EPS15L1: variants seen among roughly 807,000 people sequenced by gnomAD.
EPS15L1 encodes epidermal growth factor receptor substrate 15-like 1.
EPS15L1 carries 43 observed loss-of-function variants against 117.1 expected under a neutral mutation model. The ratio of observed to expected loss-of-function variants is 0.37; its 90% confidence interval spans 0.29 to 0.47. EPS15L1 has a LOEUF of 0.47. EPS15L1 is among the 20% of genes least tolerant of loss of function. The pLI is 0.99. For synonymous variants in EPS15L1, 459 were observed against 470.5 expected, an observed-to-expected ratio of 0.98 and a Z score of 0.32; for missense variants, 981 against 1,164.0, an observed-to-expected ratio of 0.84 and a Z score of 2.29.
At chr19:16,416,550 T>C (rs1173374524) in intron 12 of EPS15L1, among the ~76,000 whole-genome samples, 2 of 151,002 alleles carry the variant, frequency 1.3e-5, no homozygotes, top group South Asian at 4.2e-4. Context: ...AGTGGGAAGA[T>C]CACTTGAGCC....
At position 16,425,214 on chromosome 19, in the gene EPS15L1, C is replaced by T; in HGVS notation, c.661G>A (p.Gly221Ser). 6.2e-7 allele frequency: 1 copy of T among 1,601,840 alleles called. No individual in the cohort carries two copies. Among genetic ancestry groups the T allele is most frequent in the South Asian group, 1.1e-5 (1 of 90,746 alleles). ...CTGGCAGGCAGGACGGGGACGGCGC[C>T]AGGGAACACAGTCTTCTTTCTCTTG... ...PSKRKKTVFP[G>S]AVPVLPASPP... The change falls in exon 9 of 24, where the codon GGC (glycine) becomes AGC (serine). Residue 221 changes from glycine to serine, a missense_variant. Around this residue, in one of 5 missense-constraint regions of EPS15L1, gnomAD observed 819 missense variants for 949.0 expected, o/e 0.86. Coordinates refer to ENST00000455140, the MANE Select transcript of EPS15L1 (RefSeq NM_001258374.3).
chr19:16,434,227 A>G, intron 7 of EPS15L1, 138 bp downstream of exon 7: 1 of 1,153,078 alleles, frequency 8.7e-7, no homozygotes, highest in Non-Finnish European at 1.2e-6. Context: ...GACCCACAGG[A>G]GCGCTGATGA....
intron 1 of EPS15L1, among the ~76,000 whole-genome samples, chr19:16,447,472 T>A (rs1441538864): frequency 6.6e-6 from 1 of 152,122 alleles, no homozygotes; most frequent in Non-Finnish European, 1.5e-5. Context: ...AATTTAAGTA[T>A]TACAGGGCCA....
chr19:16,433,303 T>C (rs1046088495), intron 7 of EPS15L1, among the ~76,000 whole-genome samples: 5 of 149,884 alleles, frequency 3.3e-5, no homozygotes, highest in Non-Finnish European at 6.0e-5. Flanking sequence ...AATTTTTGTA[T>C]TTTTTTTTAG....
chr19:16,442,470 T>C (rs2093041921), intron 1 of EPS15L1, among the ~76,000 whole-genome samples: 1 of 152,154 alleles, frequency 6.6e-6, no homozygotes, highest in Non-Finnish European at 1.5e-5. Flanking sequence ...AACAATATAG[T>C]CACTCAGGAA....
chr19:16,388,720 G>A (rs1035060777), intron 19 of EPS15L1, among the ~76,000 whole-genome samples: 6 of 152,022 alleles, frequency 3.9e-5, no homozygotes, highest in Admixed American at 1.3e-4. Context: ...CCAACTACTC[G>A]AGAGGCTGAG....
chr19:16,462,269 C>T (rs2093260337), intron 1 of EPS15L1, among the ~76,000 whole-genome samples: 1 of 152,220 alleles, frequency 6.6e-6, no homozygotes, highest in African/African-American at 2.4e-5. Flanking sequence ...GGGCCCAGAG[C>T]TGCCTGCCTG....
At chr19:16,356,603 C>T (rs1031237569) in intron 23 of EPS15L1, 2 of 152,160 alleles carry the variant, frequency 1.3e-5, no homozygotes, top group Non-Finnish European at 2.9e-5. Flanking sequence ...AGCCACCGCA[C>T]CCGGCTCTGA....
intron 1 of EPS15L1, among the ~76,000 whole-genome samples, chr19:16,453,022 G>A (rs993563579): frequency 1.3e-5 from 2 of 151,408 alleles, no homozygotes; most frequent in Non-Finnish European, 2.9e-5. Context: ...GGATGGCCTC[G>A]ATCTCCTGAC....
intron 7 of EPS15L1, among the ~76,000 whole-genome samples, chr19:16,428,994 T>C (rs1016886258): frequency 5.3e-5 from 8 of 152,192 alleles, no homozygotes; most frequent in African/African-American, 1.9e-4. Flanking sequence ...ATATTGATTA[T>C]AAGATTATAA....
intron 10 of EPS15L1, among the ~76,000 whole-genome samples, chr19:16,418,442 T>C (rs888386359): frequency 5.3e-5 from 8 of 152,226 alleles, no homozygotes; most frequent in Admixed American, 2.0e-4. Context: ...CAGGCTCTGA[T>C]GCTGCAGGCA....
rs1255770362 is a variant in EPS15L1 at position 16,404,795 on chromosome 19, G to A, written c.1267-46C>T. The A allele has an allele frequency of 6.2e-7, 1 of 1,604,950 alleles. No individual in the cohort carries two copies. Among genetic ancestry groups the A allele is most frequent in the Non-Finnish European group, 8.5e-7 (1 of 1,173,006 alleles). The stretch of plus-strand genomic sequence containing the variant: ...TTTACGTGAGGATGGGAAAAATGAA[G>A]CATGTCCAAGATAACGGGGGGCAGC... On this transcript the variant is annotated intron_variant, in intron 13 of 23. Coordinates refer to ENST00000455140, the MANE Select transcript of EPS15L1 (RefSeq NM_001258374.3). The surrounding 1 kb of genome is among the most constrained non-coding windows in gnomAD (Gnocchi z 4.2).
intron 1 of EPS15L1, among the ~76,000 whole-genome samples, chr19:16,460,102 C>T (rs2093234307): frequency 6.6e-6 from 1 of 152,094 alleles, no homozygotes; most frequent in Non-Finnish European, 1.5e-5. Context: ...CAGTGAGACC[C>T]TAGCCCTACA....
At chr19:16,468,137 G>A (rs1257723816) in intron 1 of EPS15L1, among the ~76,000 whole-genome samples, 2 of 152,112 alleles carry the variant, frequency 1.3e-5, no homozygotes, top group East Asian at 1.9e-4. Context: ...ACTCTCATTC[G>A]GGTGGGGCTA....
At chr19:16,397,784 G>A (rs959002717) in intron 16 of EPS15L1, among the ~76,000 whole-genome samples, 2 of 152,062 alleles carry the variant, frequency 1.3e-5, no homozygotes, top group Non-Finnish European at 2.9e-5. Flanking sequence ...GTAATGGGAA[G>A]TAGTCTGAAA....
chr19:16,377,100 C>T (rs537274864), intron 22 of EPS15L1, 22 bp downstream of exon 22: 6 of 1,577,108 alleles, frequency 3.8e-6, no homozygotes, highest in African/African-American at 2.7e-5. Flanking sequence ...GCGGTGGCTG[C>T]GAGAGAAGAA....
At chr19:16,408,151 C>T (rs777653937) in intron 13 of EPS15L1, among the ~76,000 whole-genome samples, 3 of 152,066 alleles carry the variant, frequency 2.0e-5, no homozygotes, top group Non-Finnish European at 4.4e-5. Flanking sequence ...GACCTCATTC[C>T]GTAATGGAGA....
chr19:16,375,217 C>T (rs576806551), intron 22 of EPS15L1, among the ~76,000 whole-genome samples: 13 of 152,284 alleles, frequency 8.5e-5, no homozygotes, highest in South Asian at 4.1e-4. Flanking sequence ...CAGGCACATG[C>T]GAGAATACTC....
intron 19 of EPS15L1, among the ~76,000 whole-genome samples, chr19:16,389,629 T>C (rs1335109295): frequency 1.3e-5 from 2 of 152,216 alleles, no homozygotes; most frequent in Admixed American, 1.3e-4. Context: ...TTTTTTCCTC[T>C]TTCTTTACAA....
Sources: gnomAD v4.1 joint callset for allele counts (sites outside exome capture counted in the v4.1 genomes callset) on GRCh38, gnomAD v4.1.1 for gene constraint, gnomAD v4.1.1 regional missense constraint, Gnocchi (gnomAD v3.1) non-coding constraint, MANE v1.5 for transcripts, NCBI Gene and HGNC (gene_info 2026-07-23, HGNC 2026-07-21) for gene names.